Variants in POLA1 observed in about 807,000 individuals in gnomAD.
POLA1 encodes the protein DNA polymerase alpha catalytic subunit.
POLA1 carries 15 observed loss-of-function variants against 124.0 expected under a neutral mutation model. The ratio of observed to expected loss-of-function variants is 0.12; its 90% confidence interval spans 0.08 to 0.19. The LOEUF (loss-of-function observed/expected upper bound fraction) is 0.19, where lower values mean the gene tolerates loss of function less well. Among genes scored for constraint, POLA1 ranks in the 10% least tolerant of loss-of-function variants. The pLI is 1.00. For missense variants in POLA1, 886 were observed against 1,103.4 expected, an observed-to-expected ratio of 0.80 and a Z score of 2.79; for synonymous variants, 408 against 389.4, an observed-to-expected ratio of 1.05 and a Z score of -0.56.
intron 21 of POLA1, among the ~76,000 whole-genome samples, 177 bp downstream of exon 21, chrX:24,741,681 C>G (rs1180881780): frequency 1.8e-5 from 2 of 110,722 alleles, no homozygotes; most frequent in Non-Finnish European, 3.8e-5. Context: ...GGAGGAATGC[C>G]AGGTGCAGCG....
rs190158543 is a variant in POLA1 at position 24,754,543 on chromosome X, C to T, written c.2964+5551C>T. ...TGCTGGGACTACAGGCATGAGCCACCGCACCCCGCTGTGATCTCTTAATAG... is the reference window on the plus strand; with the variant it reads ...TGCTGGGACTACAGGCATGAGCCACTGCACCCCGCTGTGATCTCTTAATAG... On this transcript the variant is annotated intron_variant, in intron 26 of 36. Coordinates refer to ENST00000379068, the MANE Select transcript of POLA1 (RefSeq NM_001330360.2). Among the ~76,000 whole-genome samples, 4 of 111,570 alleles carry T rather than the reference C, an allele frequency of 3.6e-5. No homozygotes were observed. In the East Asian group the frequency reaches 8.4e-4, roughly 23 times the overall value.
intron 36 of POLA1, among the ~76,000 whole-genome samples, chrX:24,972,049 A>G (rs1387881673): frequency 9.1e-6 from 1 of 109,480 alleles, no homozygotes; most frequent in Non-Finnish European, 1.9e-5. Flanking sequence ...GCTCACTGCA[A>G]CCTCCGCCTC....
chrX:24,951,683 T>C (rs1036191308), intron 36 of POLA1, among the ~76,000 whole-genome samples: 10 of 111,640 alleles, frequency 9.0e-5, no homozygotes, highest in African/African-American at 2.6e-4. Context: ...CTTGAACATC[T>C]TAAAATATTA....
At chrX:24,763,047 T>C (rs1302169449) in intron 26 of POLA1, among the ~76,000 whole-genome samples, 1 of 111,511 alleles carries the variant, frequency 9.0e-6, no homozygotes, top group Admixed American at 9.5e-5. Context: ...CAGATGTTAA[T>C]AGGTTTTATA....
intron 26 of POLA1, among the ~76,000 whole-genome samples, chrX:24,779,297 T>C (rs1403456289): frequency 8.9e-6 from 1 of 111,751 alleles, no homozygotes; most frequent in African/African-American, 3.3e-5. Flanking sequence ...CAGGCTGGTC[T>C]CGAGCTCCTG....
intron 36 of POLA1, among the ~76,000 whole-genome samples, chrX:24,983,064 G>C (rs2048440036): frequency 8.9e-6 from 1 of 112,033 alleles, no homozygotes; most frequent in Non-Finnish European, 1.9e-5. Context: ...TTCTTCTAAA[G>C]AGTATGTGTT....
intron 36 of POLA1, among the ~76,000 whole-genome samples, chrX:24,976,763 T>C (rs2048367434): frequency 8.9e-6 from 1 of 112,293 alleles, no homozygotes; most frequent in African/African-American, 3.2e-5. Flanking sequence ...TTCCTTCCCA[T>C]TTCCCAGTCT....
intron 4 of POLA1, among the ~76,000 whole-genome samples, chrX:24,714,055 G>C (rs1929651709): frequency 8.9e-6 from 1 of 112,185 alleles, no homozygotes; most frequent in Admixed American, 9.4e-5. Context: ...ATATTTAACT[G>C]GTATTTCATT....
At chrX:24,871,644 C>A (rs1216525043) in intron 34 of POLA1, among the ~76,000 whole-genome samples, 1 of 109,793 alleles carries the variant, frequency 9.1e-6, no homozygotes, top group Non-Finnish European at 1.9e-5. Context: ...CTTGAACAGA[C>A]CTTACAGTCA....
intron 36 of POLA1, among the ~76,000 whole-genome samples, chrX:24,970,232 G>T (rs2048285086): frequency 8.9e-6 from 1 of 112,025 alleles, no homozygotes. Flanking sequence ...AATAAATGGT[G>T]CTGGGAGAAC....
intron 30 of POLA1, among the ~76,000 whole-genome samples, chrX:24,818,428 G>C (rs1222816784): frequency 2.7e-5 from 3 of 111,506 alleles, no homozygotes; most frequent in Non-Finnish European, 5.7e-5. Context: ...TTCCAAGTTT[G>C]AGGAGATTCA....
At chrX:24,926,039 G>GTT (rs770513358) in intron 35 of POLA1, among the ~76,000 whole-genome samples, 15 of 100,514 alleles carry the variant, frequency 1.5e-4, no homozygotes, top group African/African-American at 1.4e-4. Context: ...TCTACTAAAA[G>GTT]TTTTTTTTTT....
chrX:24,710,250 G>A (rs1001156707), intron 4 of POLA1, among the ~76,000 whole-genome samples: 1 of 110,887 alleles, frequency 9.0e-6, no homozygotes, highest in African/African-American at 3.3e-5. Context: ...CAAAATGGAA[G>A]CCCTGTACCC....
rs66782103 is a variant in POLA1 at position 24,757,436 on chromosome X, C to CTTTTTTTTT, written c.2964+8457_2964+8465dup. Among the ~76,000 whole-genome samples the CTTTTTTTTT allele has an allele frequency of 4.8e-4, 30 of 62,134 alleles. 2 individuals carry two copies. Among genetic ancestry groups the CTTTTTTTTT allele is most frequent in the African/African-American group, 2.2e-3 (27 of 12,220 alleles). The allele number at this position is 62,134 out of a possible 115,157, so 54.0% of individuals were successfully genotyped here. On this transcript the variant is annotated intron_variant, in intron 26 of 36. Transcript: ENST00000379068. The stretch of plus-strand genomic sequence containing the variant: ...ATCTGAAATGCTCCAAAATCTGAAA[C>CTTTTTTTTT]TTTTTTTTTTTTTTTTTTTTTGAGA...
In POLA1 at chrX:24,823,548, C is replaced by T. The variant is rs188315625; in HGVS notation, c.3561+1965C>T. The stretch of plus-strand genomic sequence containing the variant: ...TTCTGAGTAGCTGGGATTACAGGCA[C>T]GCGCCACCATGCCCAGCTAATTTTT... On this transcript the variant is annotated intron_variant, in intron 31 of 36. Coordinates refer to ENST00000379068, the MANE Select transcript of POLA1 (RefSeq NM_001330360.2). Among the ~76,000 whole-genome samples, 111 of 110,854 alleles carry T rather than the reference C, an allele frequency of 1.0e-3. 1 individual carries two copies. Among genetic ancestry groups the T allele is most frequent in the African/African-American group, 2.9e-3 (88 of 30,442 alleles).
In POLA1 at chrX:24,716,359, T is replaced by C; in HGVS notation, c.526-3T>C. 1 of 1,090,442 alleles carries C rather than the reference T, an allele frequency of 9.2e-7. No individual in the cohort carries two copies. The highest frequency in any genetic ancestry group is 1.3e-6 in the Non-Finnish European group (1 of 786,136). The allele number at this position is 1,090,442 out of a possible 1,213,427, so 89.9% of individuals were successfully genotyped here. ...AGTGAATATGTCTTACCTTTCCTTTTAGACACCTCAAATAACTCCACCACC... is the reference window on the plus strand; with the variant it reads ...AGTGAATATGTCTTACCTTTCCTTTCAGACACCTCAAATAACTCCACCACC... On this transcript the variant is annotated splice_polypyrimidine_tract_variant and splice_region_variant and intron_variant, in intron 6 of 36. Coordinates refer to ENST00000379068, the MANE Select transcript of POLA1 (RefSeq NM_001330360.2).
At chrX:24,891,624 T>C (rs1183668833) in intron 35 of POLA1, among the ~76,000 whole-genome samples, 2 of 111,976 alleles carry the variant, frequency 1.8e-5, no homozygotes, top group Non-Finnish European at 3.8e-5. Flanking sequence ...TATACTCATC[T>C]GGTTCTCAAG....
intron 24 of POLA1, among the ~76,000 whole-genome samples, chrX:24,746,801 A>C (rs1442723925): frequency 8.9e-6 from 1 of 112,507 alleles, no homozygotes; most frequent in African/African-American, 3.2e-5. Context: ...ATTGATCTCT[A>C]TAAAATCAGA....
intron 35 of POLA1, among the ~76,000 whole-genome samples, chrX:24,908,285 C>T (rs1180273406): frequency 3.7e-5 from 4 of 109,315 alleles, no homozygotes; most frequent in African/African-American, 1.0e-4. Flanking sequence ...ACGTGTACAA[C>T]GTGCAGGTTT....
Sources: allele counts gnomAD v4.1 joint callset (sites outside exome capture counted in the v4.1 genomes callset), GRCh38; gene constraint gnomAD v4.1.1; transcripts MANE v1.5; gene names NCBI Gene and HGNC (gene_info 2026-07-23, HGNC 2026-07-21).